The following NMT2 variants were observed in gnomAD, a reference collection of about 807,000 sequenced individuals.
NMT2 encodes N-myristoyltransferase 2.
A neutral mutation model predicts 65.4 loss-of-function variants in NMT2; 35 were observed. The observed-to-expected ratio is 0.54, with a 90% confidence interval of 0.41 to 0.71. NMT2 has a LOEUF of 0.71. NMT2 is among the 30% of genes least tolerant of loss of function. The pLI is 0.00. For synonymous variants in NMT2, 226 were observed against 231.8 expected (o/e 0.98, Z 0.23); for missense variants, 489 against 611.3 (o/e 0.80, Z 2.11).
Position 15,168,630 on chromosome 10 carries a change from G to A in NMT2, c.-18C>T. The A allele has an allele frequency of 6.4e-7, 1 of 1,565,642 alleles. No individual in the cohort carries two copies. Among genetic ancestry groups the A allele is most frequent in the African/African-American group, 1.4e-5 (1 of 71,240 alleles). Reference sequence around the variant, plus strand: ...TCCGCCATCGCGGCGGCGCTGGCTGGGGAGGCGGTGCTCGGGGCCGGGCCG... The same window carrying A: ...TCCGCCATCGCGGCGGCGCTGGCTGAGGAGGCGGTGCTCGGGGCCGGGCCG... On this transcript the variant is annotated 5_prime_UTR_variant, in exon 1 of 12. Transcript: ENST00000378165.
intron 1 of NMT2, among the ~76,000 whole-genome samples, chr10:15,144,253 T>C (rs1317481064): frequency 6.6e-6 from 1 of 152,098 alleles, no homozygotes; most frequent in African/African-American, 2.4e-5. Context: ...AAGTTGGTCA[T>C]CCCAGCCTCC....
At chr10:15,133,397 A>C (rs2131548787) in intron 3 of NMT2, 34 bp from the exon 4 acceptor site, 1 of 1,480,566 alleles carries the variant, frequency 6.8e-7, no homozygotes, top group African/African-American at 1.4e-5. Context: ...AAAGAAAGGC[A>C]AAAAGCGAGA....
Position 15,159,447 on chromosome 10 carries a change from C to T in NMT2, c.110+9056G>A, listed in dbSNP as rs374432103. On this transcript the variant is annotated intron_variant, in intron 1 of 11. Transcript: ENST00000378165. ...ATTTATTGAGACAGAGTCTCACTGTCGCCCAGGCTCACTGGAGTACAGTGG... is the reference window on the plus strand; with the variant it reads ...ATTTATTGAGACAGAGTCTCACTGTTGCCCAGGCTCACTGGAGTACAGTGG... Among the ~76,000 whole-genome samples, 55 of 140,680 alleles carry T rather than the reference C, an allele frequency of 3.9e-4. No individual in the cohort carries two copies. In the East Asian group the frequency reaches 5.8e-3, roughly 15 times the overall value. The allele number at this position is 140,680 out of a possible 152,430, so 92.3% of individuals were successfully genotyped here.
intron 1 of NMT2, among the ~76,000 whole-genome samples, chr10:15,165,108 C>T (rs1467305828): frequency 1.3e-5 from 2 of 150,774 alleles, no homozygotes; most frequent in African/African-American, 4.9e-5. Context: ...GGTTGCAGTG[C>T]GCCAAGATCG....
intron 1 of NMT2, among the ~76,000 whole-genome samples, chr10:15,166,541 C>A (rs747601722): frequency 3.9e-5 from 6 of 152,180 alleles, no homozygotes; most frequent in Non-Finnish European, 8.8e-5. Flanking sequence ...TGTCTAAATT[C>A]AAATCCAAAC....
At chr10:15,157,348 C>A (rs75941989) in intron 1 of NMT2, among the ~76,000 whole-genome samples, 13,236 of 152,252 alleles carry the variant, frequency 0.087, 736 homozygotes, top group Middle Eastern at 0.21. Context: ...CCACAAAGAG[C>A]CACCATCCAG....
At chr10:15,138,004 C>CTTTTTTTTTTTTTTTTTTTCTTT in intron 2 of NMT2, among the ~76,000 whole-genome samples, 1 of 128,140 alleles carries the variant, frequency 7.8e-6, no homozygotes, top group Non-Finnish European at 1.6e-5. Context: ...TCTTCTTCTT[C>CTTTTTTTTTTTTTTTTTTTCTTT]TTTTTTTTTT....
intron 8 of NMT2, among the ~76,000 whole-genome samples, chr10:15,123,449 C>T (rs539414176): frequency 6.8e-6 from 1 of 146,552 alleles, no homozygotes; most frequent in East Asian, 2.0e-4. Flanking sequence ...GAATTGCTTG[C>T]ATCCAGGAGG....
chr10:15,112,738 A>G lies in NMT2; in HGVS notation c.1338+58T>C, dbSNP rs375465782. On this transcript the variant is annotated intron_variant, in intron 10 of 11. Transcript: ENST00000378165. ...AAGAAAACACAGTAAGATGTCTTCT[A>G]TAGTTTGGCACAGACATTTGGAGAA... 61 of 1,505,190 alleles carry G rather than the reference A, an allele frequency of 4.1e-5. 1 individual carries two copies. In the East Asian group the frequency reaches 4.6e-4, roughly 11 times the overall value. 93.2% of individuals were successfully genotyped at this position (1,505,190 alleles called of 1,614,324 possible).
intron 7 of NMT2, 101 bp downstream of exon 7, chr10:15,130,041 T>C: frequency 1.1e-6 from 1 of 872,278 alleles, no homozygotes; most frequent in South Asian, 4.2e-5. Flanking sequence ...GGTTCTAGTC[T>C]CCATCTCTGC....
In NMT2 at chr10:15,108,333, C is replaced by G. The variant is rs140669429; in HGVS notation, c.*862G>C. ...TCCCAAGCAGCTGGGACTACAGGCA[C>G]ACGCCACCACGCCCGGCTAATTTTT... On this transcript the variant is annotated 3_prime_UTR_variant, in exon 12 of 12. Coordinates refer to ENST00000378165, the MANE Select transcript of NMT2 (RefSeq NM_004808.3). 7.1e-3 allele frequency: 3,309 copies of G among 465,416 alleles called. 20 individuals carry two copies. Among genetic ancestry groups the G allele is most frequent in the Middle Eastern group, 0.017 (15 of 900 alleles). The allele number at this position is 465,416 out of a possible 1,614,324, so 28.8% of individuals were successfully genotyped here.
intron 9 of NMT2, among the ~76,000 whole-genome samples, chr10:15,113,703 CTAAG>C (rs1245599249): frequency 6.6e-6 from 1 of 152,046 alleles, no homozygotes; most frequent in African/African-American, 2.4e-5. Flanking sequence ...TATATCAGGC[CTAAG>C]TAAGGTTGGG....
Position 15,109,202 on chromosome 10 carries a change from A to T in NMT2, c.1490T>A (p.Leu497Gln). The T allele has an allele frequency of 6.2e-7, 1 of 1,604,950 alleles. No individual in the cohort carries two copies. Among genetic ancestry groups the T allele is most frequent in the South Asian group, 1.1e-5 (1 of 89,740 alleles). Residue 497 changes from leucine (L) to glutamine (Q), a missense_variant, in exon 12 of 12, where the codon CTA (leucine) becomes CAA (glutamine). Physicochemically the swap from Leu to Gln is moderately radical, Grantham distance 113. Transcript: ENST00000378165. ...GTDSEKVGLVLQ is the reference protein window; with the variant it reads ...GTDSEKVGLVQQ ...AGAAATAAAAATATCCATCTATTGT[A>T]GTACTAGTCCAACCTGAAGGGAGGG...
intron 3 of NMT2, 90 bp from the exon 4 acceptor site, chr10:15,133,453 A>G: frequency 1.0e-6 from 1 of 995,854 alleles, no homozygotes; most frequent in Admixed American, 1.8e-5. Flanking sequence ...GGTCAGTGAC[A>G]TAAGCAAAAT....
At chr10:15,114,508 G>C (rs1845681311) in intron 9 of NMT2, among the ~76,000 whole-genome samples, 1 of 152,172 alleles carries the variant, frequency 6.6e-6, no homozygotes, top group South Asian at 2.1e-4. Flanking sequence ...ATGGCACCAT[G>C]TCTAGATGGC....
At chr10:15,137,705 T>C (rs1194590823) in intron 2 of NMT2, among the ~76,000 whole-genome samples, 1 of 152,214 alleles carries the variant, frequency 6.6e-6, no homozygotes, top group African/African-American at 2.4e-5. Flanking sequence ...TTTGTCATGG[T>C]ACTTTTTCTT....
At chr10:15,153,503 C>G (rs540838086) in intron 1 of NMT2, among the ~76,000 whole-genome samples, 2 of 152,214 alleles carry the variant, frequency 1.3e-5, no homozygotes, top group Non-Finnish European at 2.9e-5. Context: ...GACTTAACTT[C>G]GTTGCCTCCC....
rs573960899 is a variant in NMT2 at position 15,108,186 on chromosome 10, T to C, written c.*1009A>G. Reference sequence around the variant, plus strand: ...CTAGTTAGTCGCGGGTACAGGCTCTTTCTTTTTTTTTTTTTTTGAGACGGA... The same window carrying C: ...CTAGTTAGTCGCGGGTACAGGCTCTCTCTTTTTTTTTTTTTTTGAGACGGA... On this transcript the variant is annotated 3_prime_UTR_variant, in exon 12 of 12. Transcript: ENST00000378165. 533 of 977,432 alleles carry C rather than the reference T, an allele frequency of 5.5e-4. 2 individuals are homozygous for C. The African/African-American group carries it at 9.0e-3, about 17-fold the overall frequency. The allele number at this position is 977,432 out of a possible 1,614,324, so 60.5% of individuals were successfully genotyped here.
At chr10:15,135,738 C>T (rs1846460468) in intron 2 of NMT2, among the ~76,000 whole-genome samples, 1 of 152,010 alleles carries the variant, frequency 6.6e-6, no homozygotes, top group African/African-American at 2.4e-5. Flanking sequence ...GCAGTGCATG[C>T]ATTACTGTCA....
Sources: gnomAD v4.1 joint callset for allele counts (sites outside exome capture counted in the v4.1 genomes callset) on GRCh38, gnomAD v4.1.1 for gene constraint, MANE v1.5 for transcripts, NCBI Gene and HGNC (gene_info 2026-07-23, HGNC 2026-07-21) for gene names.